Variants in BCAS4 observed in about 807,000 individuals in gnomAD.
BCAS4 encodes the protein breast carcinoma amplified sequence 4, also known as breast carcinoma-amplified sequence 4.
Under a neutral mutation model 15.7 loss-of-function variants are expected in BCAS4, and 9 were observed. The observed-to-expected ratio is 0.57, with a 90% confidence interval of 0.34 to 1.00. The LOEUF (loss-of-function observed/expected upper bound fraction) is 1.00, where lower values mean the gene tolerates loss of function less well. Ranked by LOEUF, BCAS4 falls within the 50% of genes least tolerant of loss-of-function variation. The probability of loss-of-function intolerance (pLI) is 0.02; values close to 1 mark genes in which losing one functional copy is unlikely to be tolerated. For missense variants in BCAS4, 225 were observed against 239.1 expected, an observed-to-expected ratio of 0.94 and a Z score of 0.39; for synonymous variants, 101 against 99.5, an observed-to-expected ratio of 1.02 and a Z score of -0.09.
chr20:50,814,729 ATAG>A (rs1322066265), intron 1 of BCAS4, among the ~76,000 whole-genome samples: 1 of 150,510 alleles, frequency 6.6e-6, no homozygotes, highest in East Asian at 1.9e-4. Context: ...AAAGAGGGAA[ATAG>A]TAGCACCTAC....
intron 3 of BCAS4, among the ~76,000 whole-genome samples, chr20:50,832,464 T>C (rs1161472268): frequency 6.6e-6 from 1 of 151,978 alleles, no homozygotes; most frequent in African/African-American, 2.4e-5. Flanking sequence ...TGCCATATTG[T>C]CTAGGCTGCT....
At chr20:50,844,713 G>A (rs1477330875) in intron 4 of BCAS4, among the ~76,000 whole-genome samples, 4 of 151,790 alleles carry the variant, frequency 2.6e-5, no homozygotes, top group Non-Finnish European at 5.9e-5. Flanking sequence ...GTGAAACTGA[G>A]GTCCCCCCAG....
intron 4 of BCAS4, among the ~76,000 whole-genome samples, chr20:50,842,708 G>A (rs1013580040): frequency 1.1e-4 from 16 of 151,830 alleles, no homozygotes; most frequent in Middle Eastern, 3.2e-3. Context: ...ATGAGCCACC[G>A]TGCCTGGCCA....
intron 1 of BCAS4, 78 bp from the exon 2 acceptor site, chr20:50,818,133 A>C (rs1224581914): frequency 7.9e-6 from 1 of 126,608 alleles, no homozygotes; most frequent in African/African-American, 8.4e-5. Context: ...AGTTTGCTTT[A>C]AAAAAAAAAA....
chr20:50,861,049 T>A (rs1229507117), intron 4 of BCAS4, among the ~76,000 whole-genome samples: 1 of 150,838 alleles, frequency 6.6e-6, no homozygotes, highest in Non-Finnish European at 1.5e-5. Flanking sequence ...CAACAGGATT[T>A]GCTGGGGTGG....
At chr20:50,843,983 A>G (rs372015066) in intron 4 of BCAS4, among the ~76,000 whole-genome samples, 6 of 152,112 alleles carry the variant, frequency 3.9e-5, no homozygotes, top group African/African-American at 1.4e-4. Context: ...ATTTATACAA[A>G]AAATAGAAAA....
chr20:50,831,485 C>G (rs776439755), intron 3 of BCAS4, among the ~76,000 whole-genome samples: 1 of 152,182 alleles, frequency 6.6e-6, no homozygotes, highest in Non-Finnish European at 1.5e-5. Flanking sequence ...CAGTCTTCCA[C>G]AGTCCCCACC....
At chr20:50,835,329 C>G (rs1019664022) in intron 3 of BCAS4, among the ~76,000 whole-genome samples, 7 of 150,826 alleles carry the variant, frequency 4.6e-5, no homozygotes, top group African/African-American at 1.7e-4. Flanking sequence ...ACTGCAACCT[C>G]TGCCTCCCGG....
intron 3 of BCAS4, among the ~76,000 whole-genome samples, chr20:50,830,590 C>T (rs542451155): frequency 2.2e-4 from 34 of 152,338 alleles, no homozygotes; most frequent in African/African-American, 7.9e-4. Context: ...TGGCTCATGC[C>T]TGTAATCCCA....
chr20:50,848,669 T>A (rs1324653390), intron 4 of BCAS4, among the ~76,000 whole-genome samples: 1 of 152,234 alleles, frequency 6.6e-6, no homozygotes. Flanking sequence ...GAGCTCAGGC[T>A]GGCATTCGGG....
chr20:50,866,058 T>C lies in BCAS4; in HGVS notation c.400-10428T>C, dbSNP rs559798289. ...CCACCAAGAGCTCAGAAGAGCCCAG[T>C]TGAGTCTCTCCTCAGCCTTTGACCA... is the stretch of plus-strand genomic sequence containing the variant. On this transcript the variant is annotated intron_variant, in intron 4 of 4. Transcript: ENST00000371608. 9.3e-4 allele frequency among the ~76,000 whole-genome samples: 142 copies of C among 152,142 alleles called. 1 individual carries two copies. Among genetic ancestry groups the C allele is most frequent in the African/African-American group, 1.6e-3 (65 of 41,524 alleles).
chr20:50,822,278 C>G (rs912091360), intron 2 of BCAS4, among the ~76,000 whole-genome samples: 5 of 152,154 alleles, frequency 3.3e-5, no homozygotes, highest in African/African-American at 1.2e-4. Context: ...TGTCTTGAGG[C>G]CTAAGTATGG....
At chr20:50,834,293 T>A (rs866256144) in intron 3 of BCAS4, among the ~76,000 whole-genome samples, 18 of 114,138 alleles carry the variant, frequency 1.6e-4, no homozygotes, top group Admixed American at 2.4e-4. Flanking sequence ...CGAACTCTTC[T>A]TTTTTTTTTT....
intron 3 of BCAS4, among the ~76,000 whole-genome samples, chr20:50,836,131 T>C (rs2088406574): frequency 6.6e-6 from 1 of 152,174 alleles, no homozygotes; most frequent in South Asian, 2.1e-4. Flanking sequence ...TTAGTCAGGC[T>C]GGTCCCGAAC....
Position 50,824,018 on chromosome 20 carries a change from A to G in BCAS4, c.162+5736A>G, listed in dbSNP as rs28664786. ...ATTATAATATTATAATAAATAGCAC[A>G]GTGCTATTTATTAAATGACTAACAA... is the stretch of plus-strand genomic sequence containing the variant. On this transcript the variant is annotated intron_variant, in intron 2 of 4. Transcript: ENST00000371608. Among the ~76,000 whole-genome samples the G allele has an allele frequency of 9.8e-3, 1,495 of 152,346 alleles. 32 individuals carry two copies. The highest frequency in any genetic ancestry group is 0.035 in the African/African-American group (1,437 of 41,570).
At chr20:50,830,460 C>A in intron 3 of BCAS4, 80 bp downstream of exon 3, 1 of 1,207,586 alleles carries the variant, frequency 8.3e-7, no homozygotes, top group Non-Finnish European at 1.2e-6. Flanking sequence ...CCGATCTGGC[C>A]TTGAGCATGT....
At chr20:50,810,932 G>A (rs1048439680) in intron 1 of BCAS4, among the ~76,000 whole-genome samples, 11 of 152,130 alleles carry the variant, frequency 7.2e-5, no homozygotes, top group Admixed American at 5.9e-4. Context: ...ATGCTAAAGG[G>A]AAAAGTAAAT....
chr20:50,832,384 A>G (rs1016597403), intron 3 of BCAS4, among the ~76,000 whole-genome samples: 2 of 151,908 alleles, frequency 1.3e-5, no homozygotes, highest in Admixed American at 1.3e-4. Context: ...CAGCCTCCCA[A>G]GTAGCTGGGA....
intron 1 of BCAS4, among the ~76,000 whole-genome samples, chr20:50,812,345 G>C (rs957574211): frequency 1.3e-5 from 2 of 151,546 alleles, no homozygotes; most frequent in Admixed American, 1.3e-4. Context: ...GTGTTAGCCA[G>C]GATGGTCTCG....
Sources: gnomAD v4.1 joint callset for allele counts (sites outside exome capture counted in the v4.1 genomes callset) on GRCh38, gnomAD v4.1.1 for gene constraint, MANE v1.5 for transcripts, NCBI Gene and HGNC (gene_info 2026-07-23, HGNC 2026-07-21) for gene names.